Variants in ST3GAL3 observed in about 807,000 individuals in gnomAD.
ST3GAL3 encodes the protein ST3 beta-galactoside alpha-2,3-sialyltransferase 3.
ST3GAL3 carries 21 observed loss-of-function variants against 50.1 expected under a neutral mutation model. The observed-to-expected ratio is 0.42, with a 90% CI of 0.30 to 0.60. The LOEUF (loss-of-function observed/expected upper bound fraction) is 0.60. ST3GAL3 is among the 20% of genes least tolerant of loss of function. The pLI is 0.19. For synonymous variants in ST3GAL3, 183 were observed against 190.0 expected, an observed-to-expected ratio of 0.96 and a Z score of 0.30; for missense variants, 353 against 489.4, an observed-to-expected ratio of 0.72 and a Z score of 2.63.
intron 3 of ST3GAL3, among the ~76,000 whole-genome samples, chr1:43,796,640 CATTCTCCACTGG>C (rs1365490397): frequency 1.3e-5 from 2 of 152,196 alleles, no homozygotes; most frequent in Non-Finnish European, 2.9e-5. Flanking sequence ...AAAATATGAA[CATTCTCCACTGG>C]ATTTAAACAA....
At chr1:43,845,717 C>A (rs1393169580) in intron 5 of ST3GAL3, among the ~76,000 whole-genome samples, 1 of 149,550 alleles carries the variant, frequency 6.7e-6, no homozygotes, top group Non-Finnish European at 1.5e-5. Flanking sequence ...TTTTTTTTTC[C>A]TTAGGCTAGA....
chr1:43,848,296 T>TTC (rs1396650721), intron 5 of ST3GAL3, among the ~76,000 whole-genome samples: 1 of 141,072 alleles, frequency 7.1e-6, no homozygotes, highest in Non-Finnish European at 1.5e-5. Context: ...GTGGTTTTCT[T>TTC]TTTTTTTTTT....
At chr1:43,843,631 A>G (rs1298279816) in intron 5 of ST3GAL3, among the ~76,000 whole-genome samples, 1 of 152,248 alleles carries the variant, frequency 6.6e-6, no homozygotes, top group Non-Finnish European at 1.5e-5. Context: ...TCATCTTTCT[A>G]CAAATTTTGT....
chr1:43,821,676 G>A (rs1015283403), intron 4 of ST3GAL3, among the ~76,000 whole-genome samples: 1 of 152,148 alleles, frequency 6.6e-6, no homozygotes, highest in South Asian at 2.1e-4. Flanking sequence ...CCTGAGAATT[G>A]ACCCCGTCTT....
intron 5 of ST3GAL3, among the ~76,000 whole-genome samples, chr1:43,887,621 T>G (rs1056976964): frequency 2.6e-5 from 4 of 151,810 alleles, no homozygotes; most frequent in African/African-American, 9.7e-5. Flanking sequence ...GAGGCCAGAG[T>G]TGTAGTAGGC....
At chr1:43,781,778 A>G (rs984085212) in intron 2 of ST3GAL3, among the ~76,000 whole-genome samples, 1 of 152,188 alleles carries the variant, frequency 6.6e-6, no homozygotes, top group African/African-American at 2.4e-5. Flanking sequence ...TTCAAACTGG[A>G]AGGCTAGTTC....
At chr1:43,830,372 T>C (rs1234399394) in intron 4 of ST3GAL3, among the ~76,000 whole-genome samples, 1 of 152,188 alleles carries the variant, frequency 6.6e-6, no homozygotes, top group Non-Finnish European at 1.5e-5. Context: ...TTCATTTTGC[T>C]TGTAAAAATT....
intron 2 of ST3GAL3, among the ~76,000 whole-genome samples, chr1:43,786,940 G>T (rs1285606390): frequency 6.6e-6 from 1 of 152,132 alleles, no homozygotes; most frequent in Non-Finnish European, 1.5e-5. Flanking sequence ...ATGGTAATTG[G>T]CTGAAGATAA....
chr1:43,897,887 G>A (rs1022779865), intron 6 of ST3GAL3, among the ~76,000 whole-genome samples: 5 of 152,206 alleles, frequency 3.3e-5, no homozygotes, highest in Admixed American at 6.5e-5. Flanking sequence ...GGGAGACTGC[G>A]TGCGCCAGCT....
Position 43,899,144 on chromosome 1 carries a change from A to C in ST3GAL3, c.462-24A>C. 1 of 1,613,896 alleles carries C rather than the reference A, an allele frequency of 6.2e-7. No homozygotes were observed. Among genetic ancestry groups the C allele is most frequent in the South Asian group, 1.1e-5 (1 of 91,078 alleles). On this transcript the variant is annotated intron_variant, in intron 7 of 11. Transcript: ENST00000347631. This position sits in a 1 kb window ranked among gnomAD's most constrained non-coding sequence, Gnocchi z 5.4. ...ACCTGGTGGGCAGCTCTCTGTACAG[A>C]GGTCTCCGCCTCTCTCCCCTCAGCC...
chr1:43,818,032 G>A (rs1159869438), intron 4 of ST3GAL3, among the ~76,000 whole-genome samples: 2 of 152,030 alleles, frequency 1.3e-5, no homozygotes, highest in East Asian at 3.9e-4. Context: ...ACAGTATCTG[G>A]CCTCATTTAG....
chr1:43,765,795 GCGCGCGTC>G (rs750557134), intron 2 of ST3GAL3, among the ~76,000 whole-genome samples: 19 of 146,600 alleles, frequency 1.3e-4, no homozygotes, highest in East Asian at 3.9e-4. Context: ...GCGCGCGCGC[GCGCGCGTC>G]CGCGCGTCCG....
chr1:43,858,003 A>G (rs765487616), intron 5 of ST3GAL3: 37 of 493,458 alleles, frequency 7.5e-5, no homozygotes, highest in Non-Finnish European at 1.1e-4. Context: ...AGCAAAACCA[A>G]CCGATCCCTC....
intron 5 of ST3GAL3, among the ~76,000 whole-genome samples, chr1:43,849,219 GAGGTTGAGATCT>G (rs2066826289): frequency 6.7e-6 from 1 of 150,346 alleles, no homozygotes; most frequent in South Asian, 2.1e-4. Context: ...TGTTAGGAAT[GAGGTTGAGATCT>G]AGGGTTCTTT....
At chr1:43,844,628 G>A (rs1007082872) in intron 5 of ST3GAL3, among the ~76,000 whole-genome samples, 2 of 152,012 alleles carry the variant, frequency 1.3e-5, no homozygotes, top group East Asian at 3.9e-4. Flanking sequence ...TGGCTAACAC[G>A]GTGAAACCCC....
At chr1:43,721,106 G>A (rs564158669) in intron 1 of ST3GAL3, among the ~76,000 whole-genome samples, 11 of 152,036 alleles carry the variant, frequency 7.2e-5, no homozygotes, top group African/African-American at 2.7e-4. Context: ...TCAGCCAGGT[G>A]TGGTAGTGCA....
At chr1:43,734,918 AT>A (rs1677727409) in intron 1 of ST3GAL3, among the ~76,000 whole-genome samples, 1 of 151,966 alleles carries the variant, frequency 6.6e-6, no homozygotes, top group South Asian at 2.1e-4. Flanking sequence ...TACATTTTAC[AT>A]TTAAGGTGTA....
Position 43,930,326 on chromosome 1 carries a change from C to T in ST3GAL3, c.*105C>T. ...CCCAGAGAAGGACGGTGCCAAGGGCCCCAGGGGCAGCAAGGCCTTGGTGGA... is the reference window on the plus strand; with the variant it reads ...CCCAGAGAAGGACGGTGCCAAGGGCTCCAGGGGCAGCAAGGCCTTGGTGGA... On this transcript the variant is annotated 3_prime_UTR_variant, in exon 12 of 12. Transcript: ENST00000347631. 2.6e-6 allele frequency: 3 copies of T among 1,149,150 alleles called. No individual in the cohort carries two copies. Among genetic ancestry groups the T allele is most frequent in the Admixed American group, 1.7e-5 (1 of 58,606 alleles). The allele number at this position is 1,149,150 out of a possible 1,614,324, so 71.2% of individuals were successfully genotyped here.
At chr1:43,780,154 A>G (rs912726814) in intron 2 of ST3GAL3, among the ~76,000 whole-genome samples, 1 of 152,112 alleles carries the variant, frequency 6.6e-6, no homozygotes, top group African/African-American at 2.4e-5. Context: ...CATACCTGAA[A>G]ATGTCTTTAT....
Sources: gnomAD v4.1 joint callset for allele counts (sites outside exome capture counted in the v4.1 genomes callset) on GRCh38, gnomAD v4.1.1 for gene constraint, Gnocchi (gnomAD v3.1) non-coding constraint, MANE v1.5 for transcripts, NCBI Gene and HGNC (gene_info 2026-07-23, HGNC 2026-07-21) for gene names.